Variants in PPP1R16B observed in about 807,000 individuals in gnomAD.
The protein encoded by PPP1R16B is protein phosphatase 1 regulatory inhibitor subunit 16B.
In PPP1R16B, 14 loss-of-function variants were observed where a neutral mutation model predicts 61.7. The observed-to-expected ratio is 0.23, with a 90% confidence interval of 0.15 to 0.35. The LOEUF (loss-of-function observed/expected upper bound fraction) is 0.35, where lower values mean the gene tolerates loss of function less well. PPP1R16B is among the 10% of genes least tolerant of loss of function. The pLI is 1.00. For missense variants in PPP1R16B, 547 were observed against 752.5 expected, an observed-to-expected ratio of 0.73 and a Z score of 3.19; for synonymous variants, 266 against 305.3, an observed-to-expected ratio of 0.87 and a Z score of 1.34.
At chr20:38,850,802 AC>A (rs1214190326) in intron 2 of PPP1R16B, among the ~76,000 whole-genome samples, 2 of 151,810 alleles carry the variant, frequency 1.3e-5, no homozygotes, top group Non-Finnish European at 2.9e-5. Context: ...CCCTGTCTCT[AC>A]TAAAAAATAC....
In PPP1R16B at chr20:38,823,756, A is replaced by G. The variant is rs1307655813; in HGVS notation, c.-101-12069A>G. On this transcript the variant is annotated intron_variant, in intron 1 of 10. Transcript: ENST00000299824. ...GAAAGCAGATTTTATGAAATTTAGG[A>G]TGAGATATATTTCCTGCCCAAGGCT... 2.6e-5 allele frequency among the ~76,000 whole-genome samples: 4 copies of G among 152,178 alleles called. No individual in the cohort carries two copies. The East Asian group carries it at 7.7e-4, about 29-fold the overall frequency.
Position 38,836,111 on chromosome 20 carries a change from G to A in PPP1R16B, c.186G>A (p.Lys62=), listed in dbSNP as rs756437510. Residue 62 remains lysine, a synonymous_variant, in exon 2 of 11, where the codon AAG becomes AAA. Transcript: ENST00000299824. ...AGCGCAGCACGGGCGGCCGCCGCAA[G>A]AAAGTGTCCTTCGAGGCCAGCGTGG... ...ERKRSTGGRR[K]KVSFEASVAL... 6.2e-7 allele frequency: 1 copy of A among 1,612,662 alleles called. No homozygotes were observed. Among genetic ancestry groups the A allele is most frequent in the Non-Finnish European group, 8.5e-7 (1 of 1,179,920 alleles).
At position 38,920,512 on chromosome 20, in the gene PPP1R16B, T is replaced by C. The variant is rs2085587040; in HGVS notation, c.*1846T>C. 6.5e-6 allele frequency: 1 copy of C among 152,676 alleles called. No individual in the cohort carries two copies. Among genetic ancestry groups the C allele is most frequent in the Non-Finnish European group, 1.5e-5 (1 of 68,354 alleles). 9.5% of individuals were successfully genotyped at this position (152,676 alleles called of 1,614,324 possible). On this transcript the variant is annotated 3_prime_UTR_variant, in exon 11 of 11. Transcript: ENST00000299824. ...TCATGGGATCTGCTCTTTGTCATTC[T>C]TAGCCCCCTACTGTGGCCCCCATAG...
At chr20:38,870,811 G>A (rs2085123826) in intron 2 of PPP1R16B, among the ~76,000 whole-genome samples, 1 of 152,184 alleles carries the variant, frequency 6.6e-6, no homozygotes, top group South Asian at 2.1e-4. Context: ...CTGGGATATT[G>A]TGGCTCATTC....
chr20:38,826,553 A>G (rs1260335375), intron 1 of PPP1R16B, among the ~76,000 whole-genome samples: 1 of 152,162 alleles, frequency 6.6e-6, no homozygotes, highest in African/African-American at 2.4e-5. Flanking sequence ...GCCTCCTTTG[A>G]AGTTTTCTTG....
chr20:38,857,977 C>A (rs1221944082), intron 2 of PPP1R16B, among the ~76,000 whole-genome samples: 1 of 152,074 alleles, frequency 6.6e-6, no homozygotes, highest in Admixed American at 6.5e-5. Context: ...GTTCTGGAAG[C>A]CAGAAATCCA....
chr20:38,873,728 A>G (rs1244800316), intron 2 of PPP1R16B, among the ~76,000 whole-genome samples: 8 of 144,904 alleles, frequency 5.5e-5, no homozygotes, highest in African/African-American at 2.0e-4. Flanking sequence ...ACAGAAGCTG[A>G]AACATCTTTT....
At chr20:38,839,506 C>A (rs1233208416) in intron 2 of PPP1R16B, among the ~76,000 whole-genome samples, 1 of 152,178 alleles carries the variant, frequency 6.6e-6, no homozygotes, top group Non-Finnish European at 1.5e-5. Context: ...TCTCCTTCCT[C>A]CCCTCCTTTG....
chr20:38,902,141 CT>C (rs2085399510), intron 5 of PPP1R16B, among the ~76,000 whole-genome samples: 1 of 152,232 alleles, frequency 6.6e-6, no homozygotes, highest in South Asian at 2.1e-4. Context: ...CAATGTCTCT[CT>C]GGGCCCCTAC....
chr20:38,898,213 A>G (rs2085364314), intron 4 of PPP1R16B, among the ~76,000 whole-genome samples: 1 of 152,072 alleles, frequency 6.6e-6, no homozygotes, highest in Non-Finnish European at 1.5e-5. Context: ...CGGATATCCA[A>G]TTTTCCTACA....
In PPP1R16B at chr20:38,806,027, C is replaced by T. The variant is rs1412635994; in HGVS notation, c.-102+235C>T. ...GGAATGGGGGCGTTCTCCCCGGCCT[C>T]GCAATTCCTTGACGAGGCCAGGGGA... On this transcript the variant is annotated intron_variant, in intron 1 of 10. Coordinates refer to ENST00000299824, the MANE Select transcript of PPP1R16B (RefSeq NM_015568.4). The surrounding 1 kb of genome is among the most constrained non-coding windows in gnomAD (Gnocchi z 4.5). Among the ~76,000 whole-genome samples the T allele has an allele frequency of 1.3e-5, 2 of 151,150 alleles. No homozygotes were observed. Among genetic ancestry groups the T allele is most frequent in the Non-Finnish European group, 2.9e-5 (2 of 67,800 alleles).
chr20:38,896,585 C>T (rs1461141767), intron 4 of PPP1R16B, among the ~76,000 whole-genome samples: 3 of 152,100 alleles, frequency 2.0e-5, no homozygotes, highest in East Asian at 1.9e-4. Flanking sequence ...TTCTCCCTTT[C>T]CCCCCAATTT....
chr20:38,823,807 T>TA (rs1796800931), intron 1 of PPP1R16B, among the ~76,000 whole-genome samples: 1 of 152,160 alleles, frequency 6.6e-6, no homozygotes, highest in African/African-American at 2.4e-5. Flanking sequence ...GCTCCAACAG[T>TA]AAGGGAAGTT....
At chr20:38,818,235 T>C (rs1359067521) in intron 1 of PPP1R16B, among the ~76,000 whole-genome samples, 2 of 152,194 alleles carry the variant, frequency 1.3e-5, no homozygotes, top group East Asian at 3.8e-4. Flanking sequence ...ATGATGCCTG[T>C]TTCTAAGACT....
chr20:38,811,688 G>T (rs987979185), intron 1 of PPP1R16B, among the ~76,000 whole-genome samples: 2 of 152,198 alleles, frequency 1.3e-5, no homozygotes, highest in Non-Finnish European at 2.9e-5. Context: ...CTCCCCAGGG[G>T]ATATTTGGCA....
chr20:38,814,204 C>T (rs1335582662), intron 1 of PPP1R16B, among the ~76,000 whole-genome samples: 1 of 152,194 alleles, frequency 6.6e-6, no homozygotes, highest in Non-Finnish European at 1.5e-5. Flanking sequence ...AGTCAGGATT[C>T]CATTTCAGGA....
rs1429770850 is a variant in PPP1R16B, at chr20:38,833,148, G to A, written c.-101-2677G>A. 2.0e-5 allele frequency among the ~76,000 whole-genome samples: 3 copies of A among 152,228 alleles called. No individual in the cohort carries two copies. The East Asian group carries it at 5.8e-4, about 29-fold the overall frequency. ...AAGAAGAAACGCACTATTGATGCAT[G>A]CAGCAATGTGGATGAATCTCAAAGG... On this transcript the variant is annotated intron_variant, in intron 1 of 10. Transcript: ENST00000299824.
intron 6 of PPP1R16B, 144 bp downstream of exon 6, chr20:38,902,936 G>A (rs2085408743): frequency 8.3e-6 from 11 of 1,321,258 alleles, no homozygotes; most frequent in South Asian, 1.5e-5. Context: ...ATTGCCCCTG[G>A]ATAGGGAGGG....
chr20:38,819,628 G>A lies in PPP1R16B; in HGVS notation c.-102+13836G>A, dbSNP rs2084760327. The stretch of plus-strand genomic sequence containing the variant: ...TCCTGGAGAAGCAGCAGCACTTTCT[G>A]CTCCAAGAAATAGTAAGGAGAGTTG... On this transcript the variant is annotated intron_variant, in intron 1 of 10. Coordinates refer to ENST00000299824, the MANE Select transcript of PPP1R16B (RefSeq NM_015568.4). 2.6e-5 allele frequency among the ~76,000 whole-genome samples: 4 copies of A among 152,190 alleles called. No individual in the cohort carries two copies. In the South Asian group the frequency reaches 8.3e-4, roughly 32 times the overall value.
Sources: allele counts gnomAD v4.1 joint callset (sites outside exome capture counted in the v4.1 genomes callset), GRCh38; gene constraint gnomAD v4.1.1; non-coding constraint Gnocchi (gnomAD v3.1); transcripts MANE v1.5; gene names NCBI Gene and HGNC (gene_info 2026-07-23, HGNC 2026-07-21).